The following SSH2 variants were observed in gnomAD, a reference collection of about 807,000 sequenced individuals.
SSH2 encodes slingshot protein phosphatase 2, also known as protein phosphatase Slingshot homolog 2.
Under a neutral mutation model 135.2 loss-of-function variants are expected in SSH2, and 37 were observed. That is an observed-to-expected ratio of 0.27 (90% CI 0.21 to 0.36). The LOEUF is 0.36. Among genes scored for constraint, SSH2 ranks in the 10% least tolerant of loss-of-function variants. The pLI is 1.00. For synonymous variants in SSH2, 628 were observed against 646.2 expected (o/e 0.97, Z 0.43); for missense variants, 1,408 against 1,765.3 (o/e 0.80, Z 3.63).
chr17:29,719,532 GA>G (rs1022259745), intron 3 of SSH2, among the ~76,000 whole-genome samples: 15 of 140,924 alleles, frequency 1.1e-4, no homozygotes, highest in African/African-American at 2.6e-4. Flanking sequence ...AAAAAAAAAA[GA>G]AAAAAAAAAG....
intron 3 of SSH2, among the ~76,000 whole-genome samples, chr17:29,711,197 ACT>A (rs1259066625): frequency 6.6e-6 from 1 of 151,978 alleles, no homozygotes; most frequent in Non-Finnish European, 1.5e-5. Flanking sequence ...TTCCACTTAA[ACT>A]CTGTTGCACA....
intron 14 of SSH2, among the ~76,000 whole-genome samples, chr17:29,643,930 C>T (rs927526801): frequency 6.6e-6 from 1 of 152,168 alleles, no homozygotes; most frequent in Non-Finnish European, 1.5e-5. Flanking sequence ...AGATGCTGTA[C>T]AATTTACAGA....
Position 29,631,731 on chromosome 17 carries a change from T to A in SSH2, c.3463A>T (p.Ser1155Cys). The change falls in exon 16 of 16, where the codon AGT (serine) becomes TGT (cysteine). Residue 1155 changes from serine to cysteine, a missense_variant. By Grantham distance (112) the Ser-to-Cys change is moderately radical (BLOSUM62 -1). Transcript: ENST00000540801. ...GTCTGGGGATGCAGGTAATCCAAACTGGCAGACAGTAAATGGGTTGTATGA... is the reference window on the plus strand; with the variant it reads ...GTCTGGGGATGCAGGTAATCCAAACAGGCAGACAGTAAATGGGTTGTATGA... ...VSHTTHLLSASLDYLHPQTMV... is the reference protein window; with the variant it reads ...VSHTTHLLSACLDYLHPQTMV... 6.2e-7 allele frequency: 1 copy of A among 1,614,184 alleles called. No homozygotes were observed. The highest frequency in any genetic ancestry group is 8.5e-7 in the Non-Finnish European group (1 of 1,180,030).
chr17:29,699,069 T>C (rs182205096), intron 4 of SSH2, among the ~76,000 whole-genome samples: 8 of 152,324 alleles, frequency 5.3e-5, no homozygotes, highest in Admixed American at 3.9e-4. Flanking sequence ...GCATATCATT[T>C]CCTACTGGGC....
At chr17:29,831,641 G>A (rs552277076) in intron 2 of SSH2, among the ~76,000 whole-genome samples, 9 of 149,424 alleles carry the variant, frequency 6.0e-5, no homozygotes, top group East Asian at 2.0e-4. Flanking sequence ...GTGCGATTTC[G>A]GCTCACTGCA....
At position 29,817,488 on chromosome 17, in the gene SSH2, G is replaced by A. The variant is rs150436998; in HGVS notation, c.145-23551C>T. 1.6e-3 allele frequency among the ~76,000 whole-genome samples: 238 copies of A among 152,260 alleles called. 1 individual carries two copies. Among genetic ancestry groups the A allele is most frequent in the African/African-American group, 5.4e-3 (225 of 41,538 alleles). On this transcript the variant is annotated intron_variant, in intron 2 of 15. Coordinates refer to ENST00000540801, the MANE Select transcript of SSH2 (RefSeq NM_001282129.2). ...ATCCTTTCCTTCTGCCATCCTCAGGGAGTCATAATATGCTTCATCCATGAT... is the reference window on the plus strand; with the variant it reads ...ATCCTTTCCTTCTGCCATCCTCAGGAAGTCATAATATGCTTCATCCATGAT...
chr17:29,872,695 AG>A (rs907603293), intron 1 of SSH2, among the ~76,000 whole-genome samples: 1 of 152,078 alleles, frequency 6.6e-6, no homozygotes, highest in African/African-American at 2.4e-5. Flanking sequence ...TATTCCTGGT[AG>A]TGTAAAAAGT....
At chr17:29,660,964 G>A (rs983096659) in intron 11 of SSH2, among the ~76,000 whole-genome samples, 1 of 150,740 alleles carries the variant, frequency 6.6e-6, no homozygotes, top group African/African-American at 2.4e-5. Flanking sequence ...GGGCGGCTGA[G>A]GTATGAGAAT....
chr17:29,670,666 C>T lies in SSH2; in HGVS notation c.809+1269G>A, dbSNP rs540111882. 4.3e-4 allele frequency among the ~76,000 whole-genome samples: 65 copies of T among 152,194 alleles called. No homozygotes were observed. In the East Asian group the frequency reaches 0.011, roughly 26 times the overall value. On this transcript the variant is annotated intron_variant, in intron 9 of 15. Coordinates refer to ENST00000540801, the MANE Select transcript of SSH2 (RefSeq NM_001282129.2). ...GCATGCGCCTGTAATCCCAGCTACTCGGGAGGCTGAGGCAGGAGAATTGCT... is the reference window on the plus strand; with the variant it reads ...GCATGCGCCTGTAATCCCAGCTACTTGGGAGGCTGAGGCAGGAGAATTGCT...
At chr17:29,702,427 G>A (rs111819912) in intron 4 of SSH2, among the ~76,000 whole-genome samples, 9,296 of 151,250 alleles carry the variant, frequency 0.061, 549 homozygotes, top group African/African-American at 0.16. Flanking sequence ...GGCTGAGGCA[G>A]GCAGATCACC....
At chr17:29,768,289 ATTTT>A (rs545565554) in intron 3 of SSH2, among the ~76,000 whole-genome samples, 1 of 139,802 alleles carries the variant, frequency 7.2e-6, no homozygotes, top group Non-Finnish European at 1.6e-5. Context: ...ATAAATGTAA[ATTTT>A]TTTTTTTTTT....
At chr17:29,858,380 T>A (rs771120813) in intron 1 of SSH2, among the ~76,000 whole-genome samples, 1 of 152,286 alleles carries the variant, frequency 6.6e-6, no homozygotes, top group Non-Finnish European at 1.5e-5. Context: ...TCTAGGGGAA[T>A]GTTACAGGCT....
At chr17:29,815,058 C>T (rs1322377342) in intron 2 of SSH2, among the ~76,000 whole-genome samples, 2 of 150,156 alleles carry the variant, frequency 1.3e-5, no homozygotes, top group Non-Finnish European at 3.0e-5. Flanking sequence ...TAGCGATTCT[C>T]TTGCTTCGGC....
intron 2 of SSH2, among the ~76,000 whole-genome samples, chr17:29,848,406 A>G (rs1336924764): frequency 6.6e-6 from 1 of 152,192 alleles, no homozygotes; most frequent in Non-Finnish European, 1.5e-5. Context: ...GCTTAACATT[A>G]TCAATAGCTA....
intron 2 of SSH2, among the ~76,000 whole-genome samples, chr17:29,823,748 G>A (rs1000129330): frequency 2.6e-5 from 4 of 151,866 alleles, no homozygotes; most frequent in East Asian, 1.9e-4. Flanking sequence ...GTGTGGTGAC[G>A]CGTTCCTGTA....
intron 1 of SSH2, among the ~76,000 whole-genome samples, chr17:29,897,957 A>C (rs1033970603): frequency 3.3e-5 from 5 of 152,194 alleles, no homozygotes; most frequent in Non-Finnish European, 7.3e-5. Context: ...TCAACCTGGA[A>C]CTCGGGATCA....
intron 1 of SSH2, among the ~76,000 whole-genome samples, chr17:29,881,108 T>A (rs1474190571): frequency 6.6e-6 from 1 of 152,222 alleles, no homozygotes; most frequent in East Asian, 1.9e-4. Context: ...TGTGTGCTCC[T>A]TATATATTCT....
chr17:29,649,355 A>G (rs1385964135), intron 13 of SSH2, among the ~76,000 whole-genome samples: 1 of 151,952 alleles, frequency 6.6e-6, no homozygotes, highest in Admixed American at 6.6e-5. Flanking sequence ...TTTTCCTTAT[A>G]GAACTAGACT....
At position 29,681,331 on chromosome 17, in the gene SSH2, C is replaced by CAAAA. The variant is rs764461213; in HGVS notation, c.479+3228_479+3231dup. Among the ~76,000 whole-genome samples, 100 of 14,278 alleles carry CAAAA rather than the reference C, an allele frequency of 7.0e-3. 7 individuals are homozygous for CAAAA. Among genetic ancestry groups the CAAAA allele is most frequent in the African/African-American group, 7.7e-3 (26 of 3,358 alleles). The allele number at this position is 14,278 out of a possible 152,430, so 9.4% of individuals were successfully genotyped here. A position where few individuals can be genotyped will look rare whatever the true frequency, so the allele number is the denominator to read the frequency against. ...GCCTGGCCACAGAGTGAGACTGTCT[C>CAAAA]AAAAAAAAAAAAAAAAAAAAAAAAA... On this transcript the variant is annotated intron_variant, in intron 6 of 15. Transcript: ENST00000540801.
Sources: allele counts gnomAD v4.1 joint callset (sites outside exome capture counted in the v4.1 genomes callset), GRCh38; gene constraint gnomAD v4.1.1; transcripts MANE v1.5; gene names NCBI Gene and HGNC (gene_info 2026-07-23, HGNC 2026-07-21).